The following ZMAT4 variants were observed in gnomAD, a reference collection of about 807,000 sequenced individuals.
ZMAT4 encodes the protein zinc finger matrin-type protein 4.
A neutral mutation model predicts 28.7 loss-of-function variants in ZMAT4; 17 were observed. The observed-to-expected ratio is 0.59, with a 90% CI of 0.41 to 0.89. The LOEUF (loss-of-function observed/expected upper bound fraction) is 0.89, where lower values mean the gene tolerates loss of function less well. Ranked by LOEUF, ZMAT4 falls within the 40% of genes least tolerant of loss-of-function variation. ZMAT4 has a pLI of 0.00. For synonymous variants in ZMAT4, 117 were observed against 109.2 expected (o/e 1.07, Z -0.44); for missense variants, 240 against 283.8 (o/e 0.85, Z 1.11).
intron 6 of ZMAT4, among the ~76,000 whole-genome samples, chr8:40,568,371 A>ATCGTCTTTCGAGACCTTTCC (rs1803988760): frequency 6.6e-6 from 1 of 152,174 alleles, no homozygotes; most frequent in Non-Finnish European, 1.5e-5. Context: ...CAGAATGAGA[A>ATCGTCTTTCGAGACCTTTCC]TCGTCTTTCG....
chr8:40,600,963 A>C (rs1260448318), intron 5 of ZMAT4, among the ~76,000 whole-genome samples: 1 of 152,148 alleles, frequency 6.6e-6, no homozygotes, highest in Non-Finnish European at 1.5e-5. Flanking sequence ...CTGAACTCTT[A>C]ACTGCCAGGC....
intron 5 of ZMAT4, among the ~76,000 whole-genome samples, chr8:40,608,466 G>A (rs1286614561): frequency 6.6e-6 from 1 of 152,176 alleles, no homozygotes; most frequent in Non-Finnish European, 1.5e-5. Context: ...CAGCTAGTGA[G>A]CAGGGCTGAG....
At chr8:40,809,371 A>C (rs199686430) in intron 2 of ZMAT4, among the ~76,000 whole-genome samples, 12 of 152,196 alleles carry the variant, frequency 7.9e-5, no homozygotes, top group African/African-American at 2.9e-4. Context: ...GTTGGGTTCT[A>C]TGCTCACTAC....
At chr8:40,697,710 GC>G (rs1375888349) in intron 3 of ZMAT4, among the ~76,000 whole-genome samples, 6 of 76,946 alleles carry the variant, frequency 7.8e-5, no homozygotes, top group Non-Finnish European at 1.6e-4. Context: ...CCCTCCCCTA[GC>G]CCCCCCACCC....
intron 2 of ZMAT4, among the ~76,000 whole-genome samples, chr8:40,805,734 A>T (rs1815055815): frequency 1.4e-5 from 2 of 145,632 alleles, no homozygotes; most frequent in Non-Finnish European, 3.0e-5. Flanking sequence ...GTGGGAATTG[A>T]ACAATGAGAA....
chr8:40,744,331 T>C (rs754034155), intron 3 of ZMAT4, among the ~76,000 whole-genome samples: 2 of 151,982 alleles, frequency 1.3e-5, no homozygotes, highest in Admixed American at 6.6e-5. Context: ...GAAGATGGGG[T>C]AGGGAGATGG....
chr8:40,614,473 A>G (rs1473769921), intron 5 of ZMAT4, among the ~76,000 whole-genome samples: 1 of 152,080 alleles, frequency 6.6e-6, no homozygotes, highest in Non-Finnish European at 1.5e-5. Flanking sequence ...CAATTCCTGG[A>G]TATCCTTGTT....
At chr8:40,689,943 G>T (rs986690800) in intron 4 of ZMAT4, among the ~76,000 whole-genome samples, 2 of 151,946 alleles carry the variant, frequency 1.3e-5, no homozygotes, top group African/African-American at 4.8e-5. Flanking sequence ...TCGAGTTTAC[G>T]GTATTGAAAA....
chr8:40,790,517 TA>T (rs1392734367), intron 2 of ZMAT4, among the ~76,000 whole-genome samples: 1 of 152,218 alleles, frequency 6.6e-6, no homozygotes, highest in African/African-American at 2.4e-5. Context: ...ATTTATAATT[TA>T]ATTGTTTAAA....
intron 5 of ZMAT4, among the ~76,000 whole-genome samples, chr8:40,584,525 T>A (rs1205653448): frequency 1.3e-5 from 2 of 152,186 alleles, no homozygotes; most frequent in Admixed American, 1.3e-4. Flanking sequence ...ACTCTACTAC[T>A]TAAAAATAAG....
At chr8:40,849,716 T>G (rs1156773901) in intron 1 of ZMAT4, among the ~76,000 whole-genome samples, 1 of 152,214 alleles carries the variant, frequency 6.6e-6, no homozygotes, top group Non-Finnish European at 1.5e-5. Flanking sequence ...TCTTTTATTA[T>G]GTGCGTGTGT....
chr8:40,820,088 A>C (rs954383664), intron 2 of ZMAT4, among the ~76,000 whole-genome samples: 7 of 151,740 alleles, frequency 4.6e-5, no homozygotes, highest in Non-Finnish European at 1.0e-4. Context: ...ACACCATTTC[A>C]CTTAAAATCA....
intron 5 of ZMAT4, among the ~76,000 whole-genome samples, chr8:40,672,936 C>A (rs953045962): frequency 3.9e-5 from 6 of 152,144 alleles, no homozygotes; most frequent in Admixed American, 1.3e-4. Flanking sequence ...ATAGGAAGCA[C>A]CAAGTTGCTT....
At chr8:40,535,463 G>A (rs1802816285) in intron 6 of ZMAT4, among the ~76,000 whole-genome samples, 1 of 152,134 alleles carries the variant, frequency 6.6e-6, no homozygotes, top group African/African-American at 2.4e-5. Context: ...GAGGTCAAGA[G>A]ATCGAGACCA....
intron 6 of ZMAT4, among the ~76,000 whole-genome samples, chr8:40,570,570 T>G (rs1804064573): frequency 6.6e-6 from 1 of 151,962 alleles, no homozygotes; most frequent in African/African-American, 2.4e-5. Context: ...TGTGCTGATG[T>G]GCGCCTGAAG....
At chr8:40,706,024 CTGAG>C (rs1272678123) in intron 3 of ZMAT4, among the ~76,000 whole-genome samples, 1 of 152,088 alleles carries the variant, frequency 6.6e-6, no homozygotes, top group Non-Finnish European at 1.5e-5. Flanking sequence ...AGCTCCAGAA[CTGAG>C]TATTTACTTA....
chr8:40,700,153 G>A (rs1173840832), intron 3 of ZMAT4, among the ~76,000 whole-genome samples: 1 of 152,074 alleles, frequency 6.6e-6, no homozygotes, highest in Non-Finnish European at 1.5e-5. Context: ...CTGGCACCAG[G>A]AGAATTGGAG....
intron 6 of ZMAT4, among the ~76,000 whole-genome samples, chr8:40,576,741 T>A (rs1353201170): frequency 6.6e-6 from 1 of 152,038 alleles, no homozygotes; most frequent in Non-Finnish European, 1.5e-5. Flanking sequence ...GTGGGACAGA[T>A]AAACAAAAGA....
intron 5 of ZMAT4, among the ~76,000 whole-genome samples, chr8:40,657,743 A>G (rs2118843206): frequency 6.6e-6 from 1 of 152,198 alleles, no homozygotes; most frequent in East Asian, 1.9e-4. Context: ...GTTGAACAAA[A>G]TGATCTTCTT....
Sources: allele counts gnomAD v4.1 joint callset (sites outside exome capture counted in the v4.1 genomes callset), GRCh38; gene constraint gnomAD v4.1.1; transcripts MANE v1.5; gene names NCBI Gene and HGNC (gene_info 2026-07-23, HGNC 2026-07-21).